PHYH: variants seen among roughly 807,000 people sequenced by gnomAD.
PHYH encodes the protein phytanoyl-CoA dioxygenase, peroxisomal.
PHYH carries 32 observed loss-of-function variants against 38.5 expected under a neutral mutation model. The observed-to-expected ratio is 0.83, with a 90% CI of 0.63 to 1.12. The LOEUF (loss-of-function observed/expected upper bound fraction) is 1.12, where lower values mean the gene tolerates loss of function less well. Among genes scored for constraint, PHYH ranks in the 50% most tolerant of loss-of-function variants. PHYH has a pLI of 0.00. For missense variants in PHYH, 426 were observed against 434.8 expected (o/e 0.98, Z 0.18); for synonymous variants, 166 against 157.9 (o/e 1.05, Z -0.38).
chr10:13,278,262 T>G lies in PHYH; in HGVS notation c.*39A>C. 7.1e-7 allele frequency: 1 copy of G among 1,406,668 alleles called. No individual in the cohort carries two copies. The highest frequency in any genetic ancestry group is 1.0e-6 in the Non-Finnish European group (1 of 990,720). The allele number at this position is 1,406,668 out of a possible 1,614,324, so 87.1% of individuals were successfully genotyped here. ...ATTTTCCTTAGACATTTCGTTTGGT[T>G]TTGGTTTTCTGTTGAAAGAGTTATA... On this transcript the variant is annotated 3_prime_UTR_variant, in exon 9 of 9. Transcript: ENST00000263038.
chr10:13,285,712 C>T (rs1835532690), intron 6 of PHYH, among the ~76,000 whole-genome samples: 1 of 149,948 alleles, frequency 6.7e-6, no homozygotes. Flanking sequence ...TCAAGCTATT[C>T]TCCTGCCTCA....
chr10:13,289,784 A>C (rs1480116619), intron 5 of PHYH, among the ~76,000 whole-genome samples: 1 of 151,232 alleles, frequency 6.6e-6, no homozygotes, highest in Non-Finnish European at 1.5e-5. Context: ...TACAAAAATT[A>C]ACTGGGCATG....
At chr10:13,288,978 G>GAA (rs1344319576) in intron 5 of PHYH, among the ~76,000 whole-genome samples, 1 of 130,894 alleles carries the variant, frequency 7.6e-6, no homozygotes, top group African/African-American at 2.8e-5. Flanking sequence ...TCCTTTGCCT[G>GAA]AAAAAACAAT....
chr10:13,294,990 A>C (rs1254991189), intron 3 of PHYH: 7 of 329,292 alleles, frequency 2.1e-5, no homozygotes, highest in Non-Finnish European at 4.1e-5. Context: ...AGATGAGGAA[A>C]CAGAGGCATG....
chr10:13,293,922 G>C (rs1312397733), intron 4 of PHYH, among the ~76,000 whole-genome samples: 1 of 151,968 alleles, frequency 6.6e-6, no homozygotes, highest in Non-Finnish European at 1.5e-5. Context: ...GTAGGACACT[G>C]GCCAGGCGCA....
chr10:13,297,332 C>T (rs558218), intron 2 of PHYH, among the ~76,000 whole-genome samples: 143,955 of 152,304 alleles, frequency 0.95, 68,401 homozygotes, highest in Non-Finnish European at 1. Context: ...TCCTTAAGAT[C>T]GGAATTGTGG....
At chr10:13,299,499 C>T (rs934425685) in intron 1 of PHYH, 264 of 1,003,818 alleles carry the variant, frequency 2.6e-4, no homozygotes, top group Non-Finnish European at 3.1e-4. Flanking sequence ...CCCTGGGCAG[C>T]GCCTGCCTGG....
At chr10:13,289,282 G>A (rs1324239118) in intron 5 of PHYH, among the ~76,000 whole-genome samples, 1 of 152,052 alleles carries the variant, frequency 6.6e-6, no homozygotes, top group Admixed American at 6.6e-5. Context: ...TGCAAGCTCC[G>A]CCTCCCAGGT....
chr10:13,295,078 C>A (rs562414690), intron 3 of PHYH: 10 of 278,624 alleles, frequency 3.6e-5, no homozygotes, highest in Admixed American at 1.5e-4. Flanking sequence ...TGGTGGCTCC[C>A]GACTGTAATC....
At chr10:13,298,701 A>AAAG in intron 1 of PHYH, among the ~76,000 whole-genome samples, 1 of 149,074 alleles carries the variant, frequency 6.7e-6, no homozygotes, top group African/African-American at 2.5e-5. Context: ...ACTCCATCTC[A>AAAG]GAAAAAAAAC....
chr10:13,282,118 A>T (rs754655388), intron 7 of PHYH, among the ~76,000 whole-genome samples: 23 of 152,034 alleles, frequency 1.5e-4, no homozygotes, highest in Admixed American at 4.6e-4. Context: ...AGGTGTGGTC[A>T]TGCATGCCTG....
intron 7 of PHYH, among the ~76,000 whole-genome samples, chr10:13,282,978 A>T (rs1416196905): frequency 7.0e-6 from 1 of 142,234 alleles, no homozygotes; most frequent in Non-Finnish European, 1.5e-5. Context: ...GCCTCAGGAG[A>T]CAACAGTGAT....
At chr10:13,287,900 G>C (rs1027178744) in intron 6 of PHYH, among the ~76,000 whole-genome samples, 2 of 152,158 alleles carry the variant, frequency 1.3e-5, no homozygotes, top group African/African-American at 4.8e-5. Context: ...CGTGTTAAGG[G>C]CAGGTACAGT....
At chr10:13,296,067 T>C (rs504044) in intron 2 of PHYH, among the ~76,000 whole-genome samples, 71,856 of 150,898 alleles carry the variant, frequency 0.48, 18,000 homozygotes, top group Admixed American at 0.63. Context: ...ACCCGGGAGG[T>C]TGAGGCAGGA....
chr10:13,296,014 A>G (rs1051831353), intron 2 of PHYH, among the ~76,000 whole-genome samples: 4 of 151,830 alleles, frequency 2.6e-5, no homozygotes, highest in Admixed American at 2.6e-4. Context: ...CTGAAAACAC[A>G]AAGTTTAGCC....
intron 6 of PHYH, among the ~76,000 whole-genome samples, chr10:13,285,277 A>C (rs1026522335): frequency 6.7e-6 from 1 of 148,662 alleles, no homozygotes; most frequent in Non-Finnish European, 1.5e-5. Flanking sequence ...TCCATCTCCC[A>C]GGTTCAGGCA....
chr10:13,280,349 C>CT (rs1045903327), intron 8 of PHYH, among the ~76,000 whole-genome samples: 25 of 148,842 alleles, frequency 1.7e-4, no homozygotes, highest in African/African-American at 2.7e-4. Context: ...CTTCAGAAGG[C>CT]TTTTTTTTTG....
intron 4 of PHYH, 24 bp downstream of exon 4, chr10:13,294,404 C>T (rs367925048): frequency 3.8e-5 from 62 of 1,612,502 alleles, no homozygotes; most frequent in South Asian, 2.6e-4. Context: ...ATTAAGCCGA[C>T]GCAAAGCAAG....
At chr10:13,283,365 G>A (rs1243178899) in intron 7 of PHYH, among the ~76,000 whole-genome samples, 2 of 151,936 alleles carry the variant, frequency 1.3e-5, no homozygotes, top group South Asian at 2.1e-4. Context: ...TCCTGACCTC[G>A]TGATCCACCC....
Sources: allele counts gnomAD v4.1 joint callset (sites outside exome capture counted in the v4.1 genomes callset), GRCh38; gene constraint gnomAD v4.1.1; transcripts MANE v1.5; gene names NCBI Gene and HGNC (gene_info 2026-07-23, HGNC 2026-07-21).